Variants in CAST observed in about 807,000 individuals in gnomAD.
The protein encoded by CAST is calpastatin.
Under a neutral mutation model 119.6 loss-of-function variants are expected in CAST, and 76 were observed. The observed-to-expected ratio is 0.64, with a 90% CI of 0.53 to 0.77. The LOEUF is 0.77. Among genes scored for constraint, CAST ranks in the 30% least tolerant of loss-of-function variants. The pLI, the probability that CAST is intolerant of heterozygous loss-of-function variation, is 0.00. For synonymous variants in CAST, 319 were observed against 331.6 expected, an observed-to-expected ratio of 0.96 and a Z score of 0.41; for missense variants, 953 against 946.5, an observed-to-expected ratio of 1.01 and a Z score of -0.09.
the CAST span, among the ~76,000 whole-genome samples, chr5:96,067,194 G>A: frequency 2.1e-4 from 32 of 152,164 alleles, no homozygotes; most frequent in African/African-American, 7.7e-4. Flanking sequence ...GGTAATAGGG[G>A]TATTATATTT....
chr5:96,737,786 G>T, intron 10 of CAST, 63 bp from the exon 11 acceptor site: 1 of 939,318 alleles, frequency 1.1e-6, no homozygotes. Context: ...TTTTTTTGTA[G>T]TTAAACTAAA....
the CAST span, among the ~76,000 whole-genome samples, chr5:96,204,287 A>G: frequency 6.6e-6 from 1 of 152,016 alleles, no homozygotes; most frequent in South Asian, 2.1e-4. Context: ...TGTCCAGGAT[A>G]GAGCAGCTGT....
At chr5:96,335,893 C>G in the CAST span, among the ~76,000 whole-genome samples, 1 of 152,080 alleles carries the variant, frequency 6.6e-6, no homozygotes, top group African/African-American at 2.4e-5. Context: ...GTTTTCCCCT[C>G]CTATGCATTT....
the CAST span, among the ~76,000 whole-genome samples, chr5:96,373,883 A>C: frequency 2.6e-5 from 4 of 152,008 alleles, no homozygotes; most frequent in Non-Finnish European, 5.9e-5. Flanking sequence ...AGTAGCTGGG[A>C]CCACAGGTCC....
chr5:96,764,921 C>T (rs1412869552), intron 25 of CAST, among the ~76,000 whole-genome samples: 2 of 152,120 alleles, frequency 1.3e-5, no homozygotes, highest in Admixed American at 6.5e-5. Context: ...GGATATGGCT[C>T]CTGAGGCTGC....
intron 24 of CAST, 28 bp downstream of exon 24, chr5:96,757,682 C>CTTCATT: frequency 7.9e-7 from 1 of 1,258,938 alleles, no homozygotes; most frequent in Middle Eastern, 2.1e-4. Flanking sequence ...GGTTTTATTT[C>CTTCATT]TTTAGTTTTT....
the CAST span, among the ~76,000 whole-genome samples, chr5:96,132,865 C>A: frequency 1.3e-5 from 2 of 152,068 alleles, no homozygotes; most frequent in African/African-American, 4.8e-5. Context: ...TGAAGCATAT[C>A]CACTGGACTT....
At chr5:96,397,253 A>G in the CAST span, 2 of 1,222,074 alleles carry the variant, frequency 1.6e-6, no homozygotes, top group Non-Finnish European at 2.4e-6. Flanking sequence ...TAGGGCCCTA[A>G]TTAATGATGA....
the CAST span, among the ~76,000 whole-genome samples, chr5:96,481,442 G>A: frequency 6.6e-6 from 1 of 152,144 alleles, no homozygotes; most frequent in Non-Finnish European, 1.5e-5. Flanking sequence ...CCCACTCTAA[G>A]AGACAATTTG....
chr5:96,497,749 T>C, the CAST span, among the ~76,000 whole-genome samples: 2 of 152,208 alleles, frequency 1.3e-5, no homozygotes, highest in African/African-American at 4.8e-5. Flanking sequence ...TCATTGTAGA[T>C]TCTGGATATT....
chr5:96,768,950 T>C (rs1561628221), intron 29 of CAST: 2 of 152,406 alleles, frequency 1.3e-5, no homozygotes, highest in African/African-American at 4.8e-5. Context: ...GATGTGTCTT[T>C]TACCTCTGTG....
the CAST span, among the ~76,000 whole-genome samples, chr5:96,039,646 T>C: frequency 6.6e-6 from 1 of 152,198 alleles, no homozygotes; most frequent in East Asian, 1.9e-4. Flanking sequence ...TCCCTATTGC[T>C]TGTGTGTGTC....
At chr5:96,699,853 T>A (rs1310374796) in intron 3 of CAST, among the ~76,000 whole-genome samples, 2 of 152,170 alleles carry the variant, frequency 1.3e-5, no homozygotes, top group Non-Finnish European at 2.9e-5. Flanking sequence ...GAGAATTACC[T>A]AATTGAATAG....
the CAST span, among the ~76,000 whole-genome samples, chr5:96,348,908 A>T: frequency 6.6e-6 from 1 of 152,110 alleles, no homozygotes; most frequent in Non-Finnish European, 1.5e-5. Context: ...ATGGGAAGTT[A>T]GGGTTAATTA....
the CAST span, among the ~76,000 whole-genome samples, chr5:96,474,728 G>A: frequency 1.3e-5 from 2 of 152,052 alleles, no homozygotes; most frequent in Non-Finnish European, 2.9e-5. Context: ...CAGCCTTCTG[G>A]ACAGATCCTT....
chr5:96,178,998 C>G, the CAST span, among the ~76,000 whole-genome samples: 2 of 152,212 alleles, frequency 1.3e-5, no homozygotes, highest in South Asian at 4.1e-4. Flanking sequence ...TCTTGACTCT[C>G]TTTTGCCCTT....
chr5:96,495,467 G>A, the CAST span, among the ~76,000 whole-genome samples: 5 of 152,006 alleles, frequency 3.3e-5, no homozygotes, highest in Non-Finnish European at 5.9e-5. Context: ...CCCTCCCTGT[G>A]TCCATGTGTT....
At chr5:96,425,009 AAAGAAAGAAAGAAAGAAAG>A in the CAST span, among the ~76,000 whole-genome samples, 1 of 8,632 alleles carries the variant, frequency 1.2e-4, no homozygotes, top group Non-Finnish European at 2.9e-4. Flanking sequence ...GAAAGAAAGA[AAAGAAAGAAAGAAAGAAAG>A]AAAGAAAGAA....
the CAST span, among the ~76,000 whole-genome samples, chr5:96,345,930 A>G: frequency 1.3e-5 from 2 of 152,198 alleles, no homozygotes; most frequent in Admixed American, 1.3e-4. Flanking sequence ...ACATCCCATC[A>G]TGTTTACTGT....
Sources: allele counts gnomAD v4.1 joint callset (sites outside exome capture counted in the v4.1 genomes callset), GRCh38; gene constraint gnomAD v4.1.1; transcripts MANE v1.5; gene names NCBI Gene and HGNC (gene_info 2026-07-23, HGNC 2026-07-21).